The following ADGB variants were observed in gnomAD, a reference collection of about 807,000 sequenced individuals.
ADGB encodes the protein calpain-7-like protein.
ADGB carries 172 observed loss-of-function variants against 210.5 expected under a neutral mutation model. The observed-to-expected ratio is 0.82, with a 90% CI of 0.72 to 0.93. The LOEUF (loss-of-function observed/expected upper bound fraction) is 0.93. ADGB is among the 40% of genes least tolerant of loss of function. ADGB has a pLI of 0.00. For missense variants in ADGB, 2,025 were observed against 1,964.8 expected (o/e 1.03, Z -0.58); for synonymous variants, 658 against 662.7 (o/e 0.99, Z 0.11).
At chr6:146,787,706 T>G (rs940828412) in intron 32 of ADGB, among the ~76,000 whole-genome samples, 1 of 149,112 alleles carries the variant, frequency 6.7e-6, no homozygotes, top group Admixed American at 6.7e-5. Context: ...TTAAGTACTT[T>G]CCTATTGCCA....
intron 26 of ADGB, among the ~76,000 whole-genome samples, chr6:146,751,146 A>G (rs1323595253): frequency 8.2e-6 from 1 of 121,650 alleles, no homozygotes; most frequent in Non-Finnish European, 1.6e-5. Flanking sequence ...CTCCCGCAAC[A>G]TGCCCTAGAG....
intron 20 of ADGB, among the ~76,000 whole-genome samples, chr6:146,730,612 A>G (rs1178732935): frequency 1.3e-5 from 2 of 152,212 alleles, no homozygotes; most frequent in Non-Finnish European, 2.9e-5. Context: ...TACTCTCCCA[A>G]AGAAACTTGG....
chr6:146,643,009 T>C (rs575413416), intron 2 of ADGB, among the ~76,000 whole-genome samples: 77 of 152,008 alleles, frequency 5.1e-4, no homozygotes, highest in African/African-American at 1.7e-3. Flanking sequence ...AACTGATCCA[T>C]GAACATCTTA....
chr6:146,698,243 A>G (rs1019640011), intron 12 of ADGB, among the ~76,000 whole-genome samples: 1 of 152,234 alleles, frequency 6.6e-6, no homozygotes, highest in African/African-American at 2.4e-5. Context: ...TTAAACATGT[A>G]TTTTAAGCTT....
chr6:146,722,408 C>T (rs1173894851), intron 17 of ADGB, among the ~76,000 whole-genome samples: 2 of 152,122 alleles, frequency 1.3e-5, no homozygotes, highest in Non-Finnish European at 2.9e-5. Flanking sequence ...GCTCTTTTTA[C>T]CCCCTCATCT....
At chr6:146,714,677 T>C (rs1289423204) in intron 13 of ADGB, among the ~76,000 whole-genome samples, 1 of 152,214 alleles carries the variant, frequency 6.6e-6, no homozygotes, top group Non-Finnish European at 1.5e-5. Context: ...TTTAAGCCCA[T>C]GTCTCATTCT....
Position 146,781,931 on chromosome 6 carries a change from T to C in ADGB, c.3863-89T>C, listed in dbSNP as rs533260497. ...AAATACAAATCTATTAGCTTAACCA[T>C]ATGTCCCTGAGTTGATTCCCTTGTC... On this transcript the variant is annotated intron_variant, in intron 29 of 35. Coordinates refer to ENST00000397944, the MANE Select transcript of ADGB (RefSeq NM_024694.4). 24 of 907,224 alleles carry C rather than the reference T, an allele frequency of 2.6e-5. No homozygotes were observed. The East Asian group carries it at 4.5e-4, about 17-fold the overall frequency. 56.2% of individuals were successfully genotyped at this position (907,224 alleles called of 1,614,324 possible).
chr6:146,622,613 G>A (rs1241797975), intron 1 of ADGB, among the ~76,000 whole-genome samples: 1 of 152,072 alleles, frequency 6.6e-6, no homozygotes, highest in Non-Finnish European at 1.5e-5. Context: ...TAATTGGGCT[G>A]TAAGGGGTAC....
intron 2 of ADGB, among the ~76,000 whole-genome samples, chr6:146,636,986 C>G (rs1409913471): frequency 6.6e-6 from 1 of 151,902 alleles, no homozygotes; most frequent in Non-Finnish European, 1.5e-5. Flanking sequence ...ACTTCTTTAG[C>G]TAAGTGATGA....
chr6:146,797,701 T>G (rs2114661024), intron 33 of ADGB, among the ~76,000 whole-genome samples: 1 of 152,056 alleles, frequency 6.6e-6, no homozygotes, highest in South Asian at 2.1e-4. Context: ...CACTTATAAG[T>G]GGGAGCTAAG....
chr6:146,650,530 A>T (rs1775685310), intron 3 of ADGB, among the ~76,000 whole-genome samples: 1 of 142,724 alleles, frequency 7.0e-6, no homozygotes, highest in Non-Finnish European at 1.5e-5. Flanking sequence ...AAAATAATTC[A>T]CATGTTTTTT....
intron 1 of ADGB, among the ~76,000 whole-genome samples, chr6:146,617,722 C>G (rs1780824883): frequency 6.6e-6 from 1 of 151,966 alleles, no homozygotes; most frequent in Admixed American, 6.6e-5. Context: ...CTTCTTGATT[C>G]CATTGATGCT....
chr6:146,812,746 A>T (rs1241793635), intron 35 of ADGB, among the ~76,000 whole-genome samples: 1 of 152,224 alleles, frequency 6.6e-6, no homozygotes, highest in Non-Finnish European at 1.5e-5. Context: ...TGCAGATCTA[A>T]AGTTTTCAAT....
chr6:146,652,649 T>C (rs1002414003), intron 3 of ADGB, among the ~76,000 whole-genome samples: 3 of 152,160 alleles, frequency 2.0e-5, no homozygotes, highest in African/African-American at 7.2e-5. Context: ...TTTAGAAGTG[T>C]ACTAATTAAA....
chr6:146,782,711 A>G (rs1777819274), intron 30 of ADGB, among the ~76,000 whole-genome samples: 1 of 152,098 alleles, frequency 6.6e-6, no homozygotes, highest in Non-Finnish European at 1.5e-5. Flanking sequence ...AAGGGCCTTA[A>G]AGCGTCATTG....
intron 20 of ADGB, among the ~76,000 whole-genome samples, chr6:146,732,439 A>T (rs1777005234): frequency 6.6e-6 from 1 of 152,164 alleles, no homozygotes; most frequent in Non-Finnish European, 1.5e-5. Flanking sequence ...CTGAGCCTGG[A>T]TGAAAGAGAG....
chr6:146,796,291 A>G (rs1017055351), intron 33 of ADGB, among the ~76,000 whole-genome samples: 3 of 152,180 alleles, frequency 2.0e-5, no homozygotes, highest in African/African-American at 7.2e-5. Context: ...TACAAATTCA[A>G]TGCAATTCCC....
At chr6:146,790,141 T>C (rs1777933356) in intron 33 of ADGB, among the ~76,000 whole-genome samples, 1 of 152,206 alleles carries the variant, frequency 6.6e-6, no homozygotes, top group African/African-American at 2.4e-5. Flanking sequence ...CAAATTAGGC[T>C]AATAAATATA....
Position 146,635,453 on chromosome 6 carries a change from G to A in ADGB, c.153G>A (p.Trp51Ter). The A allele has an allele frequency of 6.5e-7, 1 of 1,548,458 alleles. No individual in the cohort carries two copies. The highest frequency in any genetic ancestry group is 8.7e-7 in the Non-Finnish European group (1 of 1,145,246). Residue 51 changes from tryptophan to a stop codon, truncating the protein, a stop_gained, in exon 2 of 36, where the codon TGG becomes TGA. Coordinates refer to ENST00000397944, the MANE Select transcript of ADGB (RefSeq NM_024694.4). LOFTEE classifies it high-confidence loss of function. ...KKGKFPLWPEWSEADINSEKW... is the reference protein window; with the variant it reads ...KKGKFPLWPE ...GGAAATTCCCACTCTGGCCAGAGTG[G>A]AGTGAAGCTGACATAAATTCAGAAA... is the stretch of plus-strand genomic sequence containing the variant.
Sources: allele counts gnomAD v4.1 joint callset (sites outside exome capture counted in the v4.1 genomes callset), GRCh38; gene constraint gnomAD v4.1.1; transcripts MANE v1.5; gene names NCBI Gene and HGNC (gene_info 2026-07-23, HGNC 2026-07-21).